The following CFI variants were observed in gnomAD, a reference collection of about 807,000 sequenced individuals.
CFI encodes the protein complement factor I, also known as C3B/C4B inactivator.
A neutral mutation model predicts 78.8 loss-of-function variants in CFI; 66 were observed. The ratio of observed to expected loss-of-function variants is 0.84; its 90% CI spans 0.69 to 1.03. CFI has a LOEUF of 1.03. Among genes scored for constraint, CFI ranks in the 50% least tolerant of loss-of-function variants. The probability of loss-of-function intolerance (pLI) is 0.00; values close to 1 mark genes in which losing one functional copy is unlikely to be tolerated. For synonymous variants in CFI, 250 were observed against 232.6 expected (o/e 1.07, Z -0.68); for missense variants, 706 against 704.5 (o/e 1.00, Z -0.02).
At position 109,742,477 on chromosome 4, in the gene CFI, C is replaced by T. The variant is rs1561282134; in HGVS notation, c.1534+14G>A. ...ATACATCTTGACATCTTGGATAAAC[C>T]ACTTGGCACTTACCTGCACATTCCA... On this transcript the variant is annotated intron_variant, in intron 12 of 12. Coordinates refer to ENST00000394634, the MANE Select transcript of CFI (RefSeq NM_000204.5). 1.3e-6 allele frequency: 2 copies of T among 1,535,022 alleles called. No individual in the cohort carries two copies. The highest frequency in any genetic ancestry group is 1.8e-6 in the Non-Finnish European group (2 of 1,108,068).
chr4:109,786,879 A>G (rs989258205), intron 1 of CFI, among the ~76,000 whole-genome samples: 6 of 152,084 alleles, frequency 3.9e-5, no homozygotes, highest in Non-Finnish European at 7.4e-5. Flanking sequence ...TCCTTGTTCT[A>G]TCCTCATTTC....
At chr4:109,744,146 G>A (rs990585559) in intron 11 of CFI, among the ~76,000 whole-genome samples, 1 of 152,154 alleles carries the variant, frequency 6.6e-6, no homozygotes, top group Admixed American at 6.5e-5. Flanking sequence ...CAAATGCAAT[G>A]TGTGGACTTT....
chr4:109,741,593 A>G (rs148825296), intron 12 of CFI, among the ~76,000 whole-genome samples: 2,279 of 152,280 alleles, frequency 0.015, 46 homozygotes, highest in African/African-American at 0.051. Flanking sequence ...CAGGGCCTGG[A>G]CTTGAACCCA....
At chr4:109,756,041 C>T (rs1726089296) in intron 7 of CFI, among the ~76,000 whole-genome samples, 1 of 152,106 alleles carries the variant, frequency 6.6e-6, no homozygotes, top group Admixed American at 6.6e-5. Context: ...CAACACAATA[C>T]TATGTGAGTA....
At chr4:109,759,322 G>A (rs375874275) in intron 6 of CFI, among the ~76,000 whole-genome samples, 13 of 151,846 alleles carry the variant, frequency 8.6e-5, no homozygotes, top group African/African-American at 2.9e-4. Context: ...AACTCTTGAT[G>A]AATAAAGAAG....
chr4:109,761,720 G>T, intron 3 of CFI, 28 bp from the exon 4 acceptor site: 1 of 1,569,102 alleles, frequency 6.4e-7, no homozygotes, highest in South Asian at 1.1e-5. Flanking sequence ...GAAACATTAT[G>T]GTAGAATAAT....
chr4:109,744,630 G>A (rs1724197328), intron 11 of CFI, among the ~76,000 whole-genome samples: 2 of 152,136 alleles, frequency 1.3e-5, no homozygotes, highest in Non-Finnish European at 2.9e-5. Context: ...TCCGCTTTCA[G>A]ATCCAGGAGT....
chr4:109,801,863 C>T, intron 1 of CFI, 52 bp downstream of exon 1: 1 of 1,229,840 alleles, frequency 8.1e-7, no homozygotes, highest in South Asian at 1.3e-5. Context: ...TATGTTTTTA[C>T]AACCTTTAAA....
chr4:109,761,916 G>C (rs1203586941), intron 3 of CFI: 3 of 505,032 alleles, frequency 5.9e-6, no homozygotes, highest in Admixed American at 6.4e-5. Flanking sequence ...TTGGCTGGGG[G>C]TGGTGGCTCA....
At chr4:109,775,111 G>A (rs533758672) in intron 1 of CFI, among the ~76,000 whole-genome samples, 5 of 152,216 alleles carry the variant, frequency 3.3e-5, no homozygotes, top group African/African-American at 1.2e-4. Flanking sequence ...CGCAGAAGAC[G>A]GGTGATTTCT....
chr4:109,763,605 A>C (rs1017168078), intron 3 of CFI, among the ~76,000 whole-genome samples: 2 of 152,126 alleles, frequency 1.3e-5, no homozygotes, highest in Non-Finnish European at 2.9e-5. Context: ...AACATGCTTA[A>C]AATCTAAAGA....
chr4:109,743,692 A>G (rs1724084357), intron 11 of CFI, among the ~76,000 whole-genome samples: 1 of 152,232 alleles, frequency 6.6e-6, no homozygotes, highest in African/African-American at 2.4e-5. Context: ...TATGAAGTAC[A>G]TGGAATAAGG....
At chr4:109,755,107 T>C (rs112585271) in intron 7 of CFI, among the ~76,000 whole-genome samples, 119 of 152,118 alleles carry the variant, frequency 7.8e-4, no homozygotes, top group African/African-American at 2.7e-3. Context: ...GAAAGAAATA[T>C]AAAATTGAGC....
intron 1 of CFI, among the ~76,000 whole-genome samples, chr4:109,768,618 T>G (rs1183573042): frequency 2.6e-5 from 4 of 152,128 alleles, no homozygotes; most frequent in Non-Finnish European, 5.9e-5. Flanking sequence ...CAAAAGCCAA[T>G]CTGCGAAGAA....
chr4:109,753,541 A>T (rs181672192), intron 7 of CFI, among the ~76,000 whole-genome samples: 4 of 1,364 alleles, frequency 2.9e-3, no homozygotes, highest in Admixed American at 0.021. Flanking sequence ...AAATATTTAT[A>T]ATATATTTAT....
intron 1 of CFI, among the ~76,000 whole-genome samples, chr4:109,786,221 C>T (rs1265544087): frequency 6.6e-6 from 1 of 151,794 alleles, no homozygotes; most frequent in African/African-American, 2.4e-5. Flanking sequence ...AGTAGAGATG[C>T]TGTTTCACCA....
Position 109,749,586 on chromosome 4 carries a change from T to TTACCTAAATAATGA in CFI, c.956_957insTCATTATTTAGGTA (p.Lys319AsnfsTer63). On this transcript the variant is annotated frameshift_variant, in exon 9 of 13. Transcript: ENST00000394634. LOFTEE classifies it high-confidence loss of function. The stretch of plus-strand genomic sequence containing the variant: ...CACAAGATAGTTTAGGTAATAATGA[T>TTACCTAAATAATGA]TTTATCCGTCTTCTTTCTTCAAGAA... 6.2e-7 allele frequency: 1 copy of TTACCTAAATAATGA among 1,602,596 alleles called. No individual in the cohort carries two copies. The highest frequency in any genetic ancestry group is 8.6e-7 in the Non-Finnish European group (1 of 1,169,532).
rs144988103 is a variant in CFI at position 109,750,567 on chromosome 4, C to A, written c.941-965G>T. On this transcript the variant is annotated intron_variant, in intron 8 of 12. Transcript: ENST00000394634. ...TGTCTGTGAGCATGCAGACGTCTGG[C>A]GCATTTGTCATGAGAAAACACGGTA... 5.1e-3 allele frequency among the ~76,000 whole-genome samples: 779 copies of A among 152,098 alleles called. 11 individuals are homozygous for A. The highest frequency in any genetic ancestry group is 0.018 in the African/African-American group (738 of 41,478).
chr4:109,754,069 C>T (rs560354566), intron 7 of CFI, among the ~76,000 whole-genome samples: 32 of 151,216 alleles, frequency 2.1e-4, no homozygotes, highest in African/African-American at 5.6e-4. Flanking sequence ...CTGCAACATC[C>T]GCCTCCCAGG....
Sources: gnomAD v4.1 joint callset for allele counts (sites outside exome capture counted in the v4.1 genomes callset) on GRCh38, gnomAD v4.1.1 for gene constraint, MANE v1.5 for transcripts, NCBI Gene and HGNC (gene_info 2026-07-23, HGNC 2026-07-21) for gene names.